The following ZNF227 variants were observed in gnomAD, a reference collection of about 807,000 sequenced individuals.
ZNF227 encodes the protein zinc finger protein 227.
A neutral mutation model predicts 13.2 loss-of-function variants in ZNF227; 12 were observed. The ratio of observed to expected loss-of-function variants is 0.91; its 90% CI spans 0.58 to 1.47. The LOEUF is 1.47. Among genes scored for constraint, ZNF227 ranks in the 40% most tolerant of loss-of-function variants. The probability of loss-of-function intolerance (pLI) is 0.00; values close to 1 mark genes in which losing one functional copy is unlikely to be tolerated. For synonymous variants in ZNF227, 338 were observed against 326.0 expected, an observed-to-expected ratio of 1.04 and a Z score of -0.40; for missense variants, 885 against 967.5, an observed-to-expected ratio of 0.91 and a Z score of 1.13.
upstream of ZNF227, among the ~76,000 whole-genome samples, chr19:44,209,950 C>T (rs1971301174): frequency 6.6e-6 from 1 of 152,184 alleles, no homozygotes; most frequent in African/African-American, 2.4e-5. Flanking sequence ...GTTGCAGGAA[C>T]TATGTCCCAT....
Position 44,235,211 on chromosome 19 carries a change from T to A in ZNF227, c.781T>A (p.Tyr261Asn). The A allele has an allele frequency of 1.2e-6, 2 of 1,613,958 alleles. No individual in the cohort carries two copies. Among genetic ancestry groups the A allele is most frequent in the South Asian group, 2.2e-5 (2 of 91,056 alleles). Residue 261 changes from tyrosine to asparagine, a missense_variant, in exon 6 of 6, where the codon TAT (tyrosine) becomes AAT (asparagine). Transcript: ENST00000313040. ...PCGECGRGFS[Y>N]SPRLPLHPNV... ...TGGTGAGTGTGGAAGGGGCTTCAGT[T>A]ATAGCCCAAGGCTTCCCCTTCATCC... is the stretch of plus-strand genomic sequence containing the variant.
At chr19:44,208,375 G>A (rs538953231), upstream of ZNF227, among the ~76,000 whole-genome samples, 3 of 152,226 alleles carry the variant, frequency 2.0e-5, no homozygotes, top group South Asian at 6.2e-4. Flanking sequence ...TCTGCTAGCC[G>A]ATTTACAGTT....
rs1023486891 is a variant in ZNF227, at chr19:44,229,176, G to A, written c.188-557G>A. ...AAAAACTGACAATTTTCAGTGAATG[G>A]TGTGAGATACAGCATTGCAAATGTG... On this transcript the variant is annotated intron_variant, in intron 4 of 5. Coordinates refer to ENST00000313040, the MANE Select transcript of ZNF227 (RefSeq NM_182490.3). 5 of 152,546 alleles carry A rather than the reference G, an allele frequency of 3.3e-5. No homozygotes were observed. The South Asian group carries it at 8.3e-4, about 25-fold the overall frequency. 9.4% of individuals were successfully genotyped at this position (152,546 alleles called of 1,614,324 possible).
At position 44,215,776 on chromosome 19, in the gene ZNF227, T is replaced by G. The variant is rs545128885; in HGVS notation, c.-2-2015T>G. On this transcript the variant is annotated intron_variant, in intron 2 of 5. Transcript: ENST00000313040. ...GCCTAGGCGGGTGGATCACCTGAAG[T>G]CAGGAGTTTGAGACCAGCCTGGCCA... 9.9e-5 allele frequency among the ~76,000 whole-genome samples: 15 copies of G among 152,066 alleles called. No homozygotes were observed. In the East Asian group the frequency reaches 2.5e-3, roughly 26 times the overall value.
intron 5 of ZNF227, among the ~76,000 whole-genome samples, chr19:44,231,708 C>T (rs563959744): frequency 1.0e-3 from 156 of 152,330 alleles, no homozygotes; most frequent in African/African-American, 3.5e-3. Flanking sequence ...ATCCCTTTTA[C>T]TCAGAGTTAG....
At chr19:44,232,691 G>A (rs1471304378) in intron 5 of ZNF227, among the ~76,000 whole-genome samples, 11 of 149,568 alleles carry the variant, frequency 7.4e-5, no homozygotes, top group African/African-American at 1.7e-4. Context: ...TTTTGTAGAC[G>A]GAGTCATGCT....
At chr19:44,215,549 C>T (rs1476281578) in intron 2 of ZNF227, among the ~76,000 whole-genome samples, 2 of 149,872 alleles carry the variant, frequency 1.3e-5, no homozygotes, top group East Asian at 3.9e-4. Context: ...TCAGTTTATT[C>T]CCTTTTATTT....
At chr19:44,214,146 G>GT (rs1454394687) in intron 2 of ZNF227, among the ~76,000 whole-genome samples, 2 of 151,664 alleles carry the variant, frequency 1.3e-5, no homozygotes, top group East Asian at 1.9e-4. Context: ...TTTTGTTTTT[G>GT]TTTTTTTGCC....
chr19:44,224,182 C>T (rs1171637815), intron 3 of ZNF227, among the ~76,000 whole-genome samples: 2 of 152,132 alleles, frequency 1.3e-5, no homozygotes, highest in Non-Finnish European at 2.9e-5. Flanking sequence ...GAGAGCTTTA[C>T]TTCCAACTAT....
rs1303744869 is a variant in ZNF227, at chr19:44,228,542, G to T, written c.157G>T (p.Val53Leu). 21 of 1,613,290 alleles carry T rather than the reference G, an allele frequency of 1.3e-5. No individual in the cohort carries two copies. Among genetic ancestry groups the T allele is most frequent in the Non-Finnish European group, 1.8e-5 (21 of 1,179,848 alleles). The change falls in exon 4 of 6, where the codon GTG becomes TTG. Residue 53 changes from valine to leucine, a missense_variant. Transcript: ENST00000313040. ...GAGGAAGCTGTACCGAGATGTCATG[G>T]TGGAGAACTTCAAGAACCTGGTTGC... The part of the protein sequence containing the change: ...TQRKLYRDVM[V>L]ENFKNLVAVG...
At chr19:44,211,813 C>CTTT (rs1176772105), upstream of ZNF227, among the ~76,000 whole-genome samples, 2 of 119,616 alleles carry the variant, frequency 1.7e-5, no homozygotes, top group Admixed American at 8.2e-5. Context: ...TTCCTCTGCC[C>CTTT]TTTTTTTTTT....
rs777892737 is a variant in ZNF227, at chr19:44,234,787, C to A, written c.357C>A (p.Ile119=). The change falls in exon 6 of 6, where the codon ATC becomes ATA. Residue 119 remains isoleucine, a synonymous_variant. Transcript: ENST00000313040. ...LSNQELSCWQ[I]WKQVASELTR... is the part of the protein sequence containing the mutation. ...ATCAAGAGCTGTCCTGCTGGCAAAT[C>A]TGGAAACAGGTTGCAAGTGAATTAA... 6.2e-7 allele frequency: 1 copy of A among 1,613,618 alleles called. No homozygotes were observed. The highest frequency in any genetic ancestry group is 1.3e-5 in the African/African-American group (1 of 74,884).
chr19:44,233,782 G>A (rs559431350), intron 5 of ZNF227, among the ~76,000 whole-genome samples: 40 of 152,256 alleles, frequency 2.6e-4, no homozygotes, highest in African/African-American at 9.4e-4. Context: ...AGTAATCCCC[G>A]CTACCCGGGA....
At chr19:44,230,926 AATATATATATATATAT>A (rs58952117) in intron 5 of ZNF227, among the ~76,000 whole-genome samples, 4 of 68,134 alleles carry the variant, frequency 5.9e-5, no homozygotes, top group Non-Finnish European at 9.3e-5. Context: ...AAAAAAAAAA[AATATATATATATATAT>A]ATATATATAT....
At chr19:44,207,724 T>C (rs1971243192), upstream of ZNF227, 1 of 152,460 alleles carries the variant, frequency 6.6e-6, no homozygotes, top group Non-Finnish European at 1.5e-5. Flanking sequence ...TTTGTGTTCT[T>C]TCCTCTCGGC....
chr19:44,236,969 A>G lies in ZNF227; in HGVS notation c.*139A>G. The G allele has an allele frequency of 1.5e-6, 1 of 667,850 alleles. No individual in the cohort carries two copies. Among genetic ancestry groups the G allele is most frequent in the South Asian group, 2.1e-5 (1 of 47,896 alleles). 41.4% of individuals were successfully genotyped at this position (667,850 alleles called of 1,614,324 possible). A position where few individuals can be genotyped will look rare whatever the true frequency, so the allele number is the denominator to read the frequency against. ...CACTTGGAATCTTTCTAACAAATCC[A>G]TCAAGATGATAACACAGAACCATGA... On this transcript the variant is annotated 3_prime_UTR_variant, in exon 6 of 6. Transcript: ENST00000313040.
intron 3 of ZNF227, among the ~76,000 whole-genome samples, chr19:44,219,044 C>G (rs931625653): frequency 6.6e-6 from 1 of 152,184 alleles, no homozygotes; most frequent in Non-Finnish European, 1.5e-5. Flanking sequence ...TGTACCAGCA[C>G]GCCTGGCTAA....
At position 44,235,888 on chromosome 19, in the gene ZNF227, C is replaced by T. The variant is rs117722170; in HGVS notation, c.1458C>T (p.His486=). 5,083 of 1,614,062 alleles carry T rather than the reference C, an allele frequency of 3.1e-3. 15 individuals carry two copies. Among genetic ancestry groups the T allele is most frequent in the Admixed American group, 4.2e-3 (254 of 60,008 alleles). Residue 486 remains histidine (H), a synonymous_variant, in exon 6 of 6, where the codon CAC becomes CAT. Transcript: ENST00000313040. ...ATCTGCATATTCATTTCAGAGTTCA[C>T]ACGGGAGAGAAACCCTATAAATGTA... ...NTDLHIHFRV[H]TGEKPYKCKE... is the part of the protein sequence containing the mutation.
chr19:44,217,342 A>C (rs1221849824), intron 2 of ZNF227: 3 of 438,232 alleles, frequency 6.8e-6, no homozygotes, highest in African/African-American at 6.1e-5. Flanking sequence ...AGAACTCTCC[A>C]TCTACTTATT....
Sources: allele counts gnomAD v4.1 joint callset (sites outside exome capture counted in the v4.1 genomes callset), GRCh38; gene constraint gnomAD v4.1.1; transcripts MANE v1.5; gene names NCBI Gene and HGNC (gene_info 2026-07-23, HGNC 2026-07-21).